The following CD247 variants were observed in gnomAD, a reference collection of about 807,000 sequenced individuals.
CD247 encodes the protein CD247 molecule.
Under a neutral mutation model 30.0 loss-of-function variants are expected in CD247, and 13 were observed. The observed-to-expected ratio is 0.43, with a 90% CI of 0.28 to 0.69. The LOEUF is 0.69. CD247 is among the 30% of genes least tolerant of loss of function. The probability of loss-of-function intolerance (pLI) is 0.16; values close to 1 mark genes in which losing one functional copy is unlikely to be tolerated. For synonymous variants in CD247, 72 were observed against 80.0 expected (o/e 0.90, Z 0.53); for missense variants, 193 against 212.6 (o/e 0.91, Z 0.57).
chr1:167,473,121 A>T (rs1265479895), intron 1 of CD247, among the ~76,000 whole-genome samples: 1 of 151,808 alleles, frequency 6.6e-6, no homozygotes, highest in Non-Finnish European at 1.5e-5. Flanking sequence ...ACACACACAC[A>T]CACACCCATC....
chr1:167,483,018 T>TCTTTCTTTCTTTCTTTC (rs1286731752), intron 1 of CD247, among the ~76,000 whole-genome samples: 80 of 138,286 alleles, frequency 5.8e-4, no homozygotes, highest in Middle Eastern at 3.6e-3. Flanking sequence ...CTTTCTTTTT[T>TCTTTCTTTCTTTCTTTC]TTTTTTTGAG....
At chr1:167,502,898 C>A (rs943756830) in intron 1 of CD247, among the ~76,000 whole-genome samples, 1 of 152,150 alleles carries the variant, frequency 6.6e-6, no homozygotes, top group African/African-American at 2.4e-5. Context: ...CAGAAGGAAC[C>A]AACCCTGCAG....
At position 167,494,214 on chromosome 1, in the gene CD247, A is replaced by G. The variant is rs926601299; in HGVS notation, c.58+24194T>C. On this transcript the variant is annotated intron_variant, in intron 1 of 7. Transcript: ENST00000362089. The surrounding 1 kb of genome is among the most constrained non-coding windows in gnomAD (Gnocchi z 7.3). ...TGGCTAGTGAATAAAACACTTCTGAAGGGTCTTTGCTGCCTGTGTTGATGG... is the reference window on the plus strand; with the variant it reads ...TGGCTAGTGAATAAAACACTTCTGAGGGGTCTTTGCTGCCTGTGTTGATGG... Among the ~76,000 whole-genome samples, 1 of 152,176 alleles carries G rather than the reference A, an allele frequency of 6.6e-6. No individual in the cohort carries two copies. Among genetic ancestry groups the G allele is most frequent in the African/African-American group, 2.4e-5 (1 of 41,434 alleles).
At chr1:167,492,480 C>T (rs956981496) in intron 1 of CD247, among the ~76,000 whole-genome samples, 9 of 152,178 alleles carry the variant, frequency 5.9e-5, no homozygotes, top group African/African-American at 1.4e-4. Flanking sequence ...AATTTAGACG[C>T]TTATGTGTGC....
chr1:167,476,746 G>A (rs1439494891), intron 1 of CD247, among the ~76,000 whole-genome samples: 8 of 152,132 alleles, frequency 5.3e-5, no homozygotes, highest in Non-Finnish European at 8.8e-5. Context: ...GCTGCAGTGA[G>A]TTATGATTGT....
intron 2 of CD247, 93 bp downstream of exon 2, chr1:167,440,571 C>G (rs1174719700): frequency 2.4e-6 from 2 of 822,792 alleles, no homozygotes; most frequent in South Asian, 2.9e-5. Context: ...CCAGGCACCA[C>G]CCGAGCTTGA....
Position 167,469,591 on chromosome 1 carries a change from A to C in CD247, c.59-28824T>G, listed in dbSNP as rs1403094160. Among the ~76,000 whole-genome samples the C allele has an allele frequency of 3.9e-5, 6 of 152,012 alleles. No individual in the cohort carries two copies. The East Asian group carries it at 5.8e-4, about 15-fold the overall frequency. On this transcript the variant is annotated intron_variant, in intron 1 of 7. Transcript: ENST00000362089. ...CATTTTCTGTTTTCCAAGCGATTTT[A>C]TTTTCAAGAACAATGCAGATCTCCC...
At chr1:167,433,235 T>C (rs1300818684) in intron 6 of CD247, among the ~76,000 whole-genome samples, 176 bp from the exon 7 acceptor site, 4 of 152,302 alleles carry the variant, frequency 2.6e-5, no homozygotes, top group African/African-American at 7.2e-5. Flanking sequence ...CCTTCATCTC[T>C]GCAGAGTAAG....
At chr1:167,446,701 C>A (rs557700765) in intron 1 of CD247, among the ~76,000 whole-genome samples, 2 of 152,106 alleles carry the variant, frequency 1.3e-5, no homozygotes, top group Non-Finnish European at 2.9e-5. Flanking sequence ...AAGATAAAAA[C>A]AGATAATGGG....
At chr1:167,517,370 AT>A (rs778111958) in intron 1 of CD247, among the ~76,000 whole-genome samples, 32 of 152,116 alleles carry the variant, frequency 2.1e-4, no homozygotes, top group Non-Finnish European at 4.1e-4. Context: ...GGCCGAGGAC[AT>A]TTGCTTGCTT....
intron 1 of CD247, among the ~76,000 whole-genome samples, chr1:167,487,395 C>T (rs575092817): frequency 2.0e-5 from 3 of 152,152 alleles, no homozygotes; most frequent in East Asian, 1.9e-4. Flanking sequence ...AAAGAAAAAA[C>T]GAAGAAAGAA....
At chr1:167,441,898 G>A (rs571579201) in intron 1 of CD247, among the ~76,000 whole-genome samples, 5 of 152,324 alleles carry the variant, frequency 3.3e-5, no homozygotes, top group African/African-American at 9.6e-5. Flanking sequence ...ATCACTTGAG[G>A]TCAGGAGTTC....
At chr1:167,491,754 C>A (rs925212125) in intron 1 of CD247, among the ~76,000 whole-genome samples, 4 of 152,012 alleles carry the variant, frequency 2.6e-5, no homozygotes, top group Admixed American at 6.6e-5. Context: ...GAGCAAAATG[C>A]GGCAGATGCA....
intron 4 of CD247, 37 bp from the exon 5 acceptor site, chr1:167,435,471 A>G: frequency 6.4e-7 from 1 of 1,570,162 alleles, no homozygotes; most frequent in Non-Finnish European, 8.8e-7. Context: ...GAGGGAGAGA[A>G]ACACAAACCC....
intron 1 of CD247, among the ~76,000 whole-genome samples, chr1:167,465,327 C>CTTTTTTTTTTTTTTTTT (rs765176193): frequency 5.2e-5 from 6 of 115,338 alleles, no homozygotes; most frequent in South Asian, 2.9e-4. Context: ...TTTTCTTTTT[C>CTTTTTTTTTTTTTTTTT]TTTTTTTTTT....
chr1:167,505,830 A>T (rs1655090702), intron 1 of CD247, among the ~76,000 whole-genome samples: 1 of 152,222 alleles, frequency 6.6e-6, no homozygotes, highest in Non-Finnish European at 1.5e-5. Flanking sequence ...CATGGACAGG[A>T]TGAGCTAAGG....
chr1:167,517,364 G>A (rs978014482), intron 1 of CD247, among the ~76,000 whole-genome samples: 8 of 152,212 alleles, frequency 5.3e-5, no homozygotes, highest in Non-Finnish European at 1.0e-4. Context: ...CAGGTGGGCC[G>A]AGGACATTTG....
intron 3 of CD247, among the ~76,000 whole-genome samples, chr1:167,439,138 T>C (rs1557994845): frequency 6.6e-6 from 1 of 152,184 alleles, no homozygotes; most frequent in Admixed American, 6.5e-5. Flanking sequence ...TTAAAGCATG[T>C]AATCTTTATG....
At chr1:167,473,125 A>ACACACACC (rs781414075) in intron 1 of CD247, among the ~76,000 whole-genome samples, 6 of 150,520 alleles carry the variant, frequency 4.0e-5, no homozygotes, top group Admixed American at 1.3e-4. Flanking sequence ...ACACACACAC[A>ACACACACC]CCCATCTGTA....
Sources: gnomAD v4.1 joint callset for allele counts (sites outside exome capture counted in the v4.1 genomes callset) on GRCh38, gnomAD v4.1.1 for gene constraint, Gnocchi (gnomAD v3.1) non-coding constraint, MANE v1.5 for transcripts, NCBI Gene and HGNC (gene_info 2026-07-23, HGNC 2026-07-21) for gene names.